SATL1: variants seen among roughly 807,000 people sequenced by gnomAD.
The protein encoded by SATL1 is spermidine/spermine N1-acetyl transferase like 1.
A neutral mutation model predicts 51.8 loss-of-function variants in SATL1; 47 were observed. The observed-to-expected ratio is 0.91, with a 90% CI of 0.72 to 1.16. SATL1 has a LOEUF of 1.16. Ranked by LOEUF, SATL1 falls within the 50% of genes most tolerant of loss-of-function variation. The probability of loss-of-function intolerance (pLI) is 0.00; values close to 1 mark genes in which losing one functional copy is unlikely to be tolerated. For synonymous variants in SATL1, 176 were observed against 182.4 expected (o/e 0.97, Z 0.28); for missense variants, 520 against 526.4 (o/e 0.99, Z 0.12).
At chrX:85,111,064 C>A (rs1384481410) in intron 2 of SATL1, among the ~76,000 whole-genome samples, 2 of 112,728 alleles carry the variant, frequency 1.8e-5, no homozygotes, top group Non-Finnish European at 3.7e-5. Flanking sequence ...GAAATGCAGG[C>A]AAAGAGATGA....
chrX:85,208,002 A>C (rs1243359791), intron 2 of SATL1: 1 of 111,283 alleles, frequency 9.0e-6, no homozygotes, highest in African/African-American at 3.3e-5. Context: ...TGCAGCACGC[A>C]TCAACTCATC....
intron 2 of SATL1, among the ~76,000 whole-genome samples, chrX:85,121,795 T>A (rs1185472657): frequency 1.8e-5 from 2 of 108,956 alleles, no homozygotes; most frequent in Admixed American, 2.0e-4. Context: ...GGTGATCTAA[T>A]GTACAGCATA....
At chrX:85,220,155 A>C (rs2147760403) in intron 2 of SATL1, among the ~76,000 whole-genome samples, 1 of 110,747 alleles carries the variant, frequency 9.0e-6, no homozygotes, top group Admixed American at 9.6e-5. Flanking sequence ...TTAAAGCAGA[A>C]AGGAAAACAG....
At chrX:85,206,883 G>T (rs1927800936) in intron 2 of SATL1, among the ~76,000 whole-genome samples, 1 of 111,445 alleles carries the variant, frequency 9.0e-6, no homozygotes. Context: ...CATTTGGAAG[G>T]CTGTGTCTTT....
At position 85,165,121 on chromosome X, in the gene SATL1, C is replaced by A. The variant is rs779496006; in HGVS notation, c.-312-55841G>T. ...GCCAGGGAAGTTTTCCTTGATTATT[C>A]CCTCAAATAAGTTTTCCAGACATTT... On this transcript the variant is annotated intron_variant, in intron 2 of 7. Transcript: ENST00000644105. 2.7e-5 allele frequency among the ~76,000 whole-genome samples: 3 copies of A among 111,627 alleles called. No homozygotes were observed. The South Asian group carries it at 1.1e-3, about 42-fold the overall frequency.
chrX:85,184,387 T>C (rs894980111), intron 2 of SATL1, among the ~76,000 whole-genome samples: 8 of 111,650 alleles, frequency 7.2e-5, no homozygotes, highest in African/African-American at 2.6e-4. Flanking sequence ...TGGGAAGTTC[T>C]TTGTTATTAT....
chrX:85,201,429 T>C (rs1478383051), intron 2 of SATL1, among the ~76,000 whole-genome samples: 1 of 111,366 alleles, frequency 9.0e-6, no homozygotes, highest in Non-Finnish European at 1.9e-5. Context: ...ATGCTTTCAA[T>C]GAGTTATTTT....
chrX:85,208,394 ATAATCCTT>A (rs1927835183), intron 2 of SATL1, among the ~76,000 whole-genome samples: 1 of 111,704 alleles, frequency 9.0e-6, no homozygotes, highest in East Asian at 2.8e-4. Context: ...AGCATGATTT[ATAATCCTT>A]TGGGTATATA....
At chrX:85,119,550 A>G (rs1419619442) in intron 2 of SATL1, among the ~76,000 whole-genome samples, 2 of 111,794 alleles carry the variant, frequency 1.8e-5, no homozygotes, top group African/African-American at 6.5e-5. Context: ...GTTCCAGGAA[A>G]CATATTTGTA....
In SATL1 at chrX:85,109,217, T is replaced by C; in HGVS notation, c.-249A>G. 2 of 397,340 alleles carry C rather than the reference T, an allele frequency of 5.0e-6. No homozygotes were observed. Among genetic ancestry groups the C allele is most frequent in the Non-Finnish European group, 8.7e-6 (2 of 229,570 alleles). 32.7% of individuals were successfully genotyped at this position (397,340 alleles called of 1,213,427 possible). On this transcript the variant is annotated 5_prime_UTR_variant, in exon 3 of 8. Transcript: ENST00000644105. ...TATTAATGCCTCCGGTTTGCTGGAG[T>C]TGACTTCACCAGCGACCACAGCTGC...
intron 2 of SATL1, among the ~76,000 whole-genome samples, chrX:85,130,926 G>A (rs1925777574): frequency 8.9e-6 from 1 of 111,863 alleles, no homozygotes; most frequent in African/African-American, 3.3e-5. Context: ...TTTAGGAGCA[G>A]GTTGTTCAGT....
intron 4 of SATL1, among the ~76,000 whole-genome samples, chrX:85,102,671 C>T (rs1316845880): frequency 1.8e-5 from 2 of 111,370 alleles, no homozygotes; most frequent in Non-Finnish European, 3.8e-5. Context: ...ATGATTGTTA[C>T]ATATTATCCT....
chrX:85,188,892 T>G (rs887367557), intron 2 of SATL1, among the ~76,000 whole-genome samples: 77 of 111,601 alleles, frequency 6.9e-4, no homozygotes, highest in African/African-American at 2.4e-3. Context: ...CCTTCTCACT[T>G]CTAGTTCTCA....
At chrX:85,202,968 G>C (rs1842373803) in intron 2 of SATL1, among the ~76,000 whole-genome samples, 1 of 112,015 alleles carries the variant, frequency 8.9e-6, no homozygotes, top group Non-Finnish European at 1.9e-5. Context: ...TGGCTCAGTA[G>C]CTCTGGTGGG....
intron 1 of SATL1, among the ~76,000 whole-genome samples, chrX:85,227,943 T>C (rs180941299): frequency 1.3e-3 from 146 of 111,195 alleles, no homozygotes; most frequent in African/African-American, 4.5e-3. Flanking sequence ...ATACTTAGAG[T>C]TGTAATAATA....
intron 3 of SATL1, among the ~76,000 whole-genome samples, chrX:85,104,448 A>T (rs989227231): frequency 2.0e-5 from 2 of 100,431 alleles, no homozygotes; most frequent in Non-Finnish European, 4.1e-5. Context: ...TCTTTTTAAG[A>T]TCATAATATT....
chrX:85,240,153 A>G (rs1233504196), intron 1 of SATL1, among the ~76,000 whole-genome samples: 1 of 111,815 alleles, frequency 8.9e-6, no homozygotes, highest in Non-Finnish European at 1.9e-5. Context: ...AAGATGGGCA[A>G]AGAACTTAAA....
chrX:85,129,201 G>C (rs1771162958), intron 2 of SATL1, among the ~76,000 whole-genome samples: 1 of 111,963 alleles, frequency 8.9e-6, no homozygotes, highest in Non-Finnish European at 1.9e-5. Flanking sequence ...TTGGTAGCTT[G>C]ATGGGGATGG....
chrX:85,202,570 C>T (rs73627330), intron 2 of SATL1, among the ~76,000 whole-genome samples: 1,960 of 111,731 alleles, frequency 0.018, 41 homozygotes, highest in African/African-American at 0.06. Flanking sequence ...ATGCTCCTTC[C>T]CCAGCTTAGA....
Sources: gnomAD v4.1 joint callset for allele counts (sites outside exome capture counted in the v4.1 genomes callset) on GRCh38, gnomAD v4.1.1 for gene constraint, MANE v1.5 for transcripts, NCBI Gene and HGNC (gene_info 2026-07-23, HGNC 2026-07-21) for gene names.